Variants in THRB observed in about 807,000 individuals in gnomAD.
THRB encodes thyroid hormone receptor beta.
In THRB, 12 loss-of-function variants were observed where a neutral mutation model predicts 47.8. That is an observed-to-expected ratio of 0.25 (90% CI 0.16 to 0.41). The LOEUF is 0.41. Ranked by LOEUF, THRB falls within the 10% of genes least tolerant of loss-of-function variation. The probability of loss-of-function intolerance (pLI) is 1.00; values close to 1 mark genes in which losing one functional copy is unlikely to be tolerated. For missense variants in THRB, 348 were observed against 589.2 expected (o/e 0.59, Z 4.24); for synonymous variants, 218 against 212.2 (o/e 1.03, Z -0.24).
chr3:24,366,911 C>A (rs2064517087), intron 1 of THRB, among the ~76,000 whole-genome samples: 2 of 152,152 alleles, frequency 1.3e-5, no homozygotes, highest in Middle Eastern at 3.4e-3. Flanking sequence ...GTGTGAGCCA[C>A]CACACCATTC....
intron 5 of THRB, chr3:24,165,349 G>A: frequency 3.9e-6 from 3 of 760,116 alleles, no homozygotes; most frequent in Non-Finnish European, 7.2e-6. Context: ...GCATACAGTA[G>A]TTCATTTTGT....
intron 6 of THRB, among the ~76,000 whole-genome samples, chr3:24,148,610 T>C (rs566434402): frequency 1.3e-5 from 2 of 152,224 alleles, no homozygotes; most frequent in African/African-American, 2.4e-5. Flanking sequence ...AAAGGGGTCC[T>C]CTAACTTTGC....
chr3:24,369,824 T>C (rs1028555298), intron 1 of THRB, among the ~76,000 whole-genome samples: 2 of 152,126 alleles, frequency 1.3e-5, no homozygotes, highest in African/African-American at 4.8e-5. Context: ...TTGAATCTAT[T>C]TAAATGCCCA....
rs2054449422 is a variant in THRB, at chr3:24,280,502, A to T, written c.-43+16724T>A. The stretch of plus-strand genomic sequence containing the variant: ...AAGATGGGGAAAAAACAGAGCAGAA[A>T]AACTGGAAACTCTAAAAAGCAGAGC... On this transcript the variant is annotated intron_variant, in intron 3 of 10. Transcript: ENST00000646209. 1.3e-5 allele frequency among the ~76,000 whole-genome samples: 2 copies of T among 152,228 alleles called. 1 individual carries two copies. The highest frequency in any genetic ancestry group is 4.1e-4 in the South Asian group (2 of 4,828).
chr3:24,399,734 C>A (rs116677494), intron 1 of THRB, among the ~76,000 whole-genome samples: 25 of 152,190 alleles, frequency 1.6e-4, no homozygotes, highest in African/African-American at 4.6e-4. Flanking sequence ...TTTATAGAAA[C>A]AAACACCCAG....
At chr3:24,253,623 C>G (rs1212316576) in intron 3 of THRB, among the ~76,000 whole-genome samples, 1 of 152,172 alleles carries the variant, frequency 6.6e-6, no homozygotes, top group African/African-American at 2.4e-5. Context: ...ACGGAATTGT[C>G]ACATGGGGCT....
intron 2 of THRB, among the ~76,000 whole-genome samples, chr3:24,328,827 C>T (rs556306445): frequency 1.3e-5 from 2 of 152,212 alleles, no homozygotes; most frequent in African/African-American, 4.8e-5. Context: ...CAAACAATTA[C>T]TTTGTTTACA....
chr3:24,332,354 C>T (rs1050083828), intron 2 of THRB, among the ~76,000 whole-genome samples: 4 of 152,208 alleles, frequency 2.6e-5, no homozygotes, highest in East Asian at 3.8e-4. Flanking sequence ...AGAACCACGA[C>T]CCCTGCTTTG....
intron 3 of THRB, among the ~76,000 whole-genome samples, chr3:24,269,390 C>CGT (rs1324260759): frequency 2.8e-5 from 1 of 36,114 alleles, no homozygotes; most frequent in African/African-American, 1.0e-4. Flanking sequence ...AGCTCACACG[C>CGT]GCGCGCGCGC....
intron 1 of THRB, among the ~76,000 whole-genome samples, chr3:24,386,362 C>T (rs2149907819): frequency 6.6e-6 from 1 of 152,190 alleles, no homozygotes; most frequent in Admixed American, 6.6e-5. Context: ...CCTCTAGTCC[C>T]TCTATTTACC....
At chr3:24,189,622 T>C (rs569399835) in intron 5 of THRB, among the ~76,000 whole-genome samples, 86 of 152,250 alleles carry the variant, frequency 5.6e-4, no homozygotes, top group African/African-American at 2.0e-3. Flanking sequence ...ACTTAAAACC[T>C]CTCATTTGAG....
At chr3:24,255,234 C>T (rs981248767) in intron 3 of THRB, among the ~76,000 whole-genome samples, 14 of 152,212 alleles carry the variant, frequency 9.2e-5, no homozygotes, top group Non-Finnish European at 1.9e-4. Context: ...CATGTATCTA[C>T]TCTTCCCTCC....
intron 3 of THRB, among the ~76,000 whole-genome samples, chr3:24,292,943 TTTAA>T (rs898346980): frequency 6.6e-6 from 1 of 152,186 alleles, no homozygotes; most frequent in Non-Finnish European, 1.5e-5. Flanking sequence ...GTTAAAAAAG[TTTAA>T]TTTATTTAAA....
intron 4 of THRB, among the ~76,000 whole-genome samples, chr3:24,190,813 G>A (rs958254019): frequency 6.6e-6 from 1 of 150,978 alleles, no homozygotes; most frequent in African/African-American, 2.4e-5. Context: ...TAAGTGGGAC[G>A]TGCTCACGTG....
intron 1 of THRB, among the ~76,000 whole-genome samples, chr3:24,381,880 G>T (rs752293883): frequency 4.6e-5 from 7 of 151,550 alleles, no homozygotes; most frequent in Non-Finnish European, 1.0e-4. Context: ...ACAATCTTTA[G>T]AAAAATAGAT....
At chr3:24,441,420 G>A (rs941375084) in intron 1 of THRB, among the ~76,000 whole-genome samples, 3 of 152,202 alleles carry the variant, frequency 2.0e-5, no homozygotes. Context: ...TGTGGTAGAG[G>A]AGGGACCTGG....
chr3:24,407,340 G>A (rs2067906914), intron 1 of THRB, among the ~76,000 whole-genome samples: 1 of 80,012 alleles, frequency 1.2e-5, no homozygotes, highest in Non-Finnish European at 2.5e-5. Flanking sequence ...TCCACAGATT[G>A]CAAACATTTT....
At chr3:24,271,723 T>C (rs1202319827) in intron 3 of THRB, among the ~76,000 whole-genome samples, 1 of 152,140 alleles carries the variant, frequency 6.6e-6, no homozygotes, top group Non-Finnish European at 1.5e-5. Context: ...AAGTATATAC[T>C]GTATGTCTCA....
chr3:24,165,228 C>A (rs1171017290), intron 5 of THRB: 1 of 765,092 alleles, frequency 1.3e-6, no homozygotes. Flanking sequence ...CTGGGCACAG[C>A]CTGAGCATCG....
Sources: allele counts gnomAD v4.1 joint callset (sites outside exome capture counted in the v4.1 genomes callset), GRCh38; gene constraint gnomAD v4.1.1; transcripts MANE v1.5; gene names NCBI Gene and HGNC (gene_info 2026-07-23, HGNC 2026-07-21).